Variants in DEUP1 observed in about 807,000 individuals in gnomAD.
DEUP1 encodes deuterosome assembly protein 1.
Under a neutral mutation model 87.4 loss-of-function variants are expected in DEUP1, and 82 were observed. The observed-to-expected ratio is 0.94, with a 90% CI of 0.78 to 1.13. The LOEUF (loss-of-function observed/expected upper bound fraction) is 1.13. DEUP1 is among the 50% of genes most tolerant of loss of function. The pLI, the probability that DEUP1 is intolerant of heterozygous loss-of-function variation, is 0.00. For synonymous variants in DEUP1, 214 were observed against 222.7 expected (o/e 0.96, Z 0.35); for missense variants, 663 against 681.5 (o/e 0.97, Z 0.30).
intron 2 of DEUP1, among the ~76,000 whole-genome samples, chr11:93,349,086 G>A (rs919224373): frequency 3.3e-5 from 5 of 151,958 alleles, no homozygotes; most frequent in East Asian, 1.9e-4. Context: ...TTGAAAGCCC[G>A]CATATATTCA....
At chr11:93,374,517 C>A (rs1297486794) in intron 7 of DEUP1, among the ~76,000 whole-genome samples, 1 of 152,170 alleles carries the variant, frequency 6.6e-6, no homozygotes, top group Non-Finnish European at 1.5e-5. Context: ...ATTATTCCAA[C>A]ACCATTTGTT....
intron 4 of DEUP1, among the ~76,000 whole-genome samples, chr11:93,360,905 C>A (rs1191459029): frequency 7.3e-5 from 6 of 82,376 alleles, no homozygotes; most frequent in East Asian, 3.2e-4. Flanking sequence ...CAAAACTTAG[C>A]AAAAAAAAAA....
At chr11:93,352,245 TTGAAATGGATGC>T in intron 2 of DEUP1, 1 of 654,580 alleles carries the variant, frequency 1.5e-6, no homozygotes, top group Non-Finnish European at 2.8e-6. Flanking sequence ...ACTACCATCA[TTGAAATGGATGC>T]TGAAATAACT....
At chr11:93,341,948 A>C (rs527843503) in intron 2 of DEUP1, among the ~76,000 whole-genome samples, 1 of 151,648 alleles carries the variant, frequency 6.6e-6, no homozygotes, top group East Asian at 1.9e-4. Context: ...GCATTCCTTG[A>C]CTTGTGGACT....
chr11:93,388,940 TG>T, intron 8 of DEUP1, 79 bp from the exon 9 acceptor site: 1 of 788,362 alleles, frequency 1.3e-6, no homozygotes, highest in Non-Finnish European at 2.0e-6. Context: ...CAGCCTGTAA[TG>T]GTCTAAATTA....
At chr11:93,416,180 T>A (rs562768634) in intron 13 of DEUP1, among the ~76,000 whole-genome samples, 33 of 151,908 alleles carry the variant, frequency 2.2e-4, no homozygotes, top group African/African-American at 8.0e-4. Flanking sequence ...ATAACCAAAA[T>A]CAGAGCAGAA....
chr11:93,392,372 G>C (rs1169037703), intron 9 of DEUP1, among the ~76,000 whole-genome samples: 2 of 152,190 alleles, frequency 1.3e-5, no homozygotes, highest in Non-Finnish European at 2.9e-5. Flanking sequence ...GATGTGAAAA[G>C]TTATGCACCT....
chr11:93,402,310 A>C (rs975690553), intron 11 of DEUP1, among the ~76,000 whole-genome samples: 1 of 152,200 alleles, frequency 6.6e-6, no homozygotes, highest in Non-Finnish European at 1.5e-5. Context: ...ATCAGATATC[A>C]TCACATTCCA....
chr11:93,340,943 T>C (rs1309560135), intron 2 of DEUP1, among the ~76,000 whole-genome samples: 1 of 152,208 alleles, frequency 6.6e-6, no homozygotes, highest in Non-Finnish European at 1.5e-5. Flanking sequence ...CTGTTTGTGG[T>C]CACCTTATTG....
intron 4 of DEUP1, among the ~76,000 whole-genome samples, chr11:93,359,445 C>T (rs997005898): frequency 1.3e-5 from 2 of 151,966 alleles, no homozygotes; most frequent in Non-Finnish European, 2.9e-5. Flanking sequence ...CCCTATCCTC[C>T]GATTAAATTG....
intron 2 of DEUP1, among the ~76,000 whole-genome samples, chr11:93,347,248 A>T (rs1944397643): frequency 6.6e-6 from 1 of 152,136 alleles, no homozygotes; most frequent in South Asian, 2.1e-4. Context: ...TTTTACTGAA[A>T]GCCTTTTCTG....
At chr11:93,434,040 C>G (rs189830384) in intron 13 of DEUP1, among the ~76,000 whole-genome samples, 1 of 152,266 alleles carries the variant, frequency 6.6e-6, no homozygotes, top group East Asian at 1.9e-4. Context: ...CTGTTAGTAG[C>G]CAACACCCAC....
intron 2 of DEUP1, among the ~76,000 whole-genome samples, chr11:93,341,893 G>A (rs566844193): frequency 1.3e-5 from 2 of 152,240 alleles, no homozygotes; most frequent in South Asian, 4.1e-4. Flanking sequence ...AGAGGCTCTA[G>A]GGGAGAATCT....
chr11:93,390,591 A>G (rs1271079536), intron 9 of DEUP1, among the ~76,000 whole-genome samples: 1 of 152,186 alleles, frequency 6.6e-6, no homozygotes, highest in Admixed American at 6.5e-5. Flanking sequence ...AGCCACCTAA[A>G]GTATAGTTAC....
intron 13 of DEUP1, among the ~76,000 whole-genome samples, chr11:93,436,875 C>A (rs1462432902): frequency 6.6e-6 from 1 of 152,110 alleles, no homozygotes; most frequent in African/African-American, 2.4e-5. Flanking sequence ...GTCCTTTATT[C>A]TTTAGCCACA....
At chr11:93,416,645 T>C (rs1259794872) in intron 13 of DEUP1, among the ~76,000 whole-genome samples, 2 of 151,456 alleles carry the variant, frequency 1.3e-5, no homozygotes, top group Admixed American at 6.6e-5. Flanking sequence ...TTCCAATCAA[T>C]AGAAAAAGAG....
intron 5 of DEUP1, among the ~76,000 whole-genome samples, chr11:93,366,617 A>G (rs1334107502): frequency 6.6e-6 from 1 of 152,210 alleles, no homozygotes; most frequent in East Asian, 1.9e-4. Flanking sequence ...TTGTGAAACC[A>G]GTACATCTGA....
chr11:93,381,529 T>A (rs1226724702), intron 7 of DEUP1, among the ~76,000 whole-genome samples: 1 of 152,186 alleles, frequency 6.6e-6, no homozygotes, highest in Non-Finnish European at 1.5e-5. Flanking sequence ...TTGAAATGTG[T>A]CAGTATGCTT....
intron 11 of DEUP1, among the ~76,000 whole-genome samples, chr11:93,401,147 A>G (rs1335576252): frequency 6.6e-6 from 1 of 152,200 alleles, no homozygotes; most frequent in East Asian, 1.9e-4. Flanking sequence ...TTATATGTCA[A>G]TAGTGAATAA....
Sources: gnomAD v4.1 joint callset for allele counts (sites outside exome capture counted in the v4.1 genomes callset) on GRCh38, gnomAD v4.1.1 for gene constraint, MANE v1.5 for transcripts, NCBI Gene and HGNC (gene_info 2026-07-23, HGNC 2026-07-21) for gene names.